The following FAM3D variants were observed in gnomAD, a reference collection of about 807,000 sequenced individuals.
FAM3D encodes the protein FAM3 metabolism regulating signaling molecule D.
A neutral mutation model predicts 29.8 loss-of-function variants in FAM3D; 26 were observed. The observed-to-expected ratio is 0.87, with a 90% CI of 0.64 to 1.21. The LOEUF (loss-of-function observed/expected upper bound fraction) is 1.21. Among genes scored for constraint, FAM3D ranks in the 50% most tolerant of loss-of-function variants. FAM3D has a pLI of 0.00. For missense variants in FAM3D, 253 were observed against 290.9 expected, an observed-to-expected ratio of 0.87 and a Z score of 0.95; for synonymous variants, 115 against 102.3, an observed-to-expected ratio of 1.12 and a Z score of -0.75.
intron 1 of FAM3D, among the ~76,000 whole-genome samples, chr3:58,664,657 A>G (rs1004784711): frequency 6.6e-6 from 1 of 152,264 alleles, no homozygotes; most frequent in African/African-American, 2.4e-5. Context: ...GCCTAAGGTC[A>G]CATGGTTGGA....
intron 2 of FAM3D, among the ~76,000 whole-genome samples, chr3:58,654,638 C>T (rs564549853): frequency 6.6e-6 from 1 of 152,274 alleles, no homozygotes; most frequent in South Asian, 2.1e-4. Flanking sequence ...TGCTCTGACT[C>T]TTGAGGCACA....
At chr3:58,650,394 G>GCA (rs2066602180) in intron 3 of FAM3D, among the ~76,000 whole-genome samples, 1 of 152,172 alleles carries the variant, frequency 6.6e-6, no homozygotes, top group Admixed American at 6.5e-5. Flanking sequence ...CATAGTTGGT[G>GCA]GGGGCAGGGG....
At chr3:58,645,085 T>A (rs1323317615) in intron 5 of FAM3D, among the ~76,000 whole-genome samples, 1 of 152,222 alleles carries the variant, frequency 6.6e-6, no homozygotes, top group Non-Finnish European at 1.5e-5. Flanking sequence ...GAAGCCCTGG[T>A]GCCTGCTATA....
In FAM3D at chr3:58,643,876, A is replaced by T. The variant is rs539638777; in HGVS notation, c.264-156T>A. 3.9e-5 allele frequency among the ~76,000 whole-genome samples: 6 copies of T among 152,272 alleles called. No individual in the cohort carries two copies. In the South Asian group the frequency reaches 1.2e-3, roughly 32 times the overall value. On this transcript the variant is annotated intron_variant, in intron 5 of 9. Coordinates refer to ENST00000358781, the MANE Select transcript of FAM3D (RefSeq NM_138805.3). Reference sequence around the variant, plus strand: ...TGGGGCCATCTGTTTTCTCCTGAAAACTAGTGGTGGGCTGGATTCTCTGAA... The same window carrying T: ...TGGGGCCATCTGTTTTCTCCTGAAATCTAGTGGTGGGCTGGATTCTCTGAA...
chr3:58,650,872 C>A (rs1394899744), intron 3 of FAM3D, among the ~76,000 whole-genome samples: 1 of 152,172 alleles, frequency 6.6e-6, no homozygotes, highest in Non-Finnish European at 1.5e-5. Flanking sequence ...CGCCCGCCAC[C>A]ACGCCCGGCT....
At chr3:58,637,355 G>A (rs953386407) in intron 7 of FAM3D, 130 bp from the exon 8 acceptor site, 25 of 791,808 alleles carry the variant, frequency 3.2e-5, no homozygotes, top group South Asian at 2.6e-4. Flanking sequence ...TCAGAAGCCA[G>A]GAGGAAGAGC....
In FAM3D at chr3:58,652,978, G is replaced by GTTTTTTT. The variant is rs59073252; in HGVS notation, c.121+689_121+695dup. Among the ~76,000 whole-genome samples the GTTTTTTT allele has an allele frequency of 2.9e-5, 4 of 138,786 alleles. 1 individual carries two copies. The allele number at this position is 138,786 out of a possible 152,430, so 91.0% of individuals were successfully genotyped here. The stretch of plus-strand genomic sequence containing the variant: ...CACCCATTTATCCATCCATCCATCC[G>GTTTTTTT]TTTTTTTTTTTTCACTCATCAAATG... On this transcript the variant is annotated intron_variant, in intron 3 of 9. Transcript: ENST00000358781.
intron 8 of FAM3D, 86 bp downstream of exon 8, chr3:58,637,055 G>A (rs2066191011): frequency 1.7e-6 from 2 of 1,164,158 alleles, no homozygotes; most frequent in Non-Finnish European, 2.5e-6. Context: ...AATGGATCTG[G>A]CAAAAGAGCA....
At chr3:58,665,135 G>T (rs1017940081) in intron 1 of FAM3D, among the ~76,000 whole-genome samples, 1 of 152,128 alleles carries the variant, frequency 6.6e-6, no homozygotes, top group Non-Finnish European at 1.5e-5. Flanking sequence ...GCACACCATG[G>T]CCATAAGACA....
chr3:58,648,415 G>C (rs1361697090), intron 4 of FAM3D, among the ~76,000 whole-genome samples: 1 of 152,170 alleles, frequency 6.6e-6, no homozygotes, highest in East Asian at 1.9e-4. Context: ...CTCTTGCAAA[G>C]AGGGGTTGAG....
intron 4 of FAM3D, among the ~76,000 whole-genome samples, chr3:58,645,882 C>T (rs2066464522): frequency 6.6e-6 from 1 of 152,228 alleles, no homozygotes; most frequent in Non-Finnish European, 1.5e-5. Flanking sequence ...GCTCCAGCCA[C>T]AGCAGGGCAC....
intron 3 of FAM3D, among the ~76,000 whole-genome samples, chr3:58,651,535 G>A (rs2066636943): frequency 6.6e-6 from 1 of 152,180 alleles, no homozygotes; most frequent in Non-Finnish European, 1.5e-5. Flanking sequence ...CATGAGCAGG[G>A]CCACATGTTC....
intron 1 of FAM3D, among the ~76,000 whole-genome samples, chr3:58,659,918 C>T (rs1042457919): frequency 4.6e-5 from 7 of 152,190 alleles, no homozygotes; most frequent in African/African-American, 1.4e-4. Flanking sequence ...TCCTCATTAT[C>T]CCGGGAAATT....
chr3:58,646,645 G>T (rs2066490688), intron 4 of FAM3D, among the ~76,000 whole-genome samples: 4 of 152,224 alleles, frequency 2.6e-5, no homozygotes. Flanking sequence ...CGGGGGTTGG[G>T]CAGCCTTTCC....
chr3:58,643,389 C>T (rs574400254), intron 6 of FAM3D, among the ~76,000 whole-genome samples: 11 of 152,234 alleles, frequency 7.2e-5, no homozygotes, highest in Admixed American at 3.3e-4. Context: ...CTTTGAGGAT[C>T]GGGTCATGTT....
intron 2 of FAM3D, among the ~76,000 whole-genome samples, chr3:58,654,786 T>G (rs1197823916): frequency 6.6e-6 from 1 of 152,060 alleles, no homozygotes; most frequent in Non-Finnish European, 1.5e-5. Context: ...TCCTGTGGGG[T>G]GGGATGCAGG....
chr3:58,637,753 G>A (rs914693558), intron 7 of FAM3D, among the ~76,000 whole-genome samples: 1 of 152,178 alleles, frequency 6.6e-6, no homozygotes, highest in Non-Finnish European at 1.5e-5. Flanking sequence ...AAGGCTCTGC[G>A]TGTGTCTTTA....
At chr3:58,654,342 G>C (rs1020920733) in intron 2 of FAM3D, among the ~76,000 whole-genome samples, 14 of 152,334 alleles carry the variant, frequency 9.2e-5, no homozygotes, top group African/African-American at 3.4e-4. Context: ...TCAAAAGTAG[G>C]CAGCCTCCAG....
chr3:58,659,997 G>C (rs2106946981), intron 1 of FAM3D, among the ~76,000 whole-genome samples: 1 of 152,292 alleles, frequency 6.6e-6, no homozygotes, highest in East Asian at 1.9e-4. Flanking sequence ...GCTCCTTTCT[G>C]CTCCACTTGT....
Sources: gnomAD v4.1 joint callset for allele counts (sites outside exome capture counted in the v4.1 genomes callset) on GRCh38, gnomAD v4.1.1 for gene constraint, MANE v1.5 for transcripts, NCBI Gene and HGNC (gene_info 2026-07-23, HGNC 2026-07-21) for gene names.